The following BORCS5 variants were observed in gnomAD, a reference collection of about 807,000 sequenced individuals.
The protein encoded by BORCS5 is BLOC-1-related complex subunit 5.
BORCS5 carries 17 observed loss-of-function variants against 22.1 expected under a neutral mutation model. That is an observed-to-expected ratio of 0.77 (90% CI 0.53 to 1.15). The LOEUF is 1.15. Ranked by LOEUF, BORCS5 falls within the 50% of genes most tolerant of loss-of-function variation. The pLI is 0.00. For missense variants in BORCS5, 247 were observed against 253.2 expected (o/e 0.98, Z 0.17); for synonymous variants, 117 against 99.8 (o/e 1.17, Z -1.03).
intron 2 of BORCS5, among the ~76,000 whole-genome samples, chr12:12,363,190 G>A (rs1863330179): frequency 6.6e-6 from 1 of 151,902 alleles, no homozygotes; most frequent in Non-Finnish European, 1.5e-5. Context: ...CCAGCTAGTT[G>A]GGAAGCTGTT....
chr12:12,394,485 G>A (rs1941282252), intron 2 of BORCS5, among the ~76,000 whole-genome samples: 1 of 151,798 alleles, frequency 6.6e-6, no homozygotes, highest in Non-Finnish European at 1.5e-5. Flanking sequence ...TCAGGGAGTT[G>A]GAATTATTAA....
At chr12:12,406,418 G>T (rs775503927) in intron 2 of BORCS5, among the ~76,000 whole-genome samples, 2 of 152,118 alleles carry the variant, frequency 1.3e-5, no homozygotes, top group Non-Finnish European at 2.9e-5. Flanking sequence ...TGATCAGGGC[G>T]TCTTCTCCAG....
At chr12:12,433,841 C>T (rs113109351) in intron 2 of BORCS5, among the ~76,000 whole-genome samples, 56 of 152,264 alleles carry the variant, frequency 3.7e-4, no homozygotes, top group African/African-American at 1.2e-3. Flanking sequence ...GAGCATCGAC[C>T]AGCATTTCCC....
chr12:12,361,116 T>C (rs11054846), intron 1 of BORCS5, 90 bp from the exon 2 acceptor site: 150,063 of 1,287,740 alleles, frequency 0.12, 9,656 homozygotes, highest in East Asian at 0.17. Flanking sequence ...TTTTATAAAA[T>C]TATTCTTTTT....
chr12:12,415,678 T>G (rs1171820094), intron 2 of BORCS5, among the ~76,000 whole-genome samples: 1 of 151,870 alleles, frequency 6.6e-6, no homozygotes, highest in Non-Finnish European at 1.5e-5. Flanking sequence ...GGAATAAATC[T>G]CACTTGGTCA....
chr12:12,419,840 C>A (rs1254435427), intron 2 of BORCS5, among the ~76,000 whole-genome samples: 2 of 152,112 alleles, frequency 1.3e-5, no homozygotes, highest in Non-Finnish European at 2.9e-5. Flanking sequence ...GCTTAGATGT[C>A]TTCTTTTGAG....
At chr12:12,445,698 A>G (rs1033747748) in intron 3 of BORCS5, among the ~76,000 whole-genome samples, 2 of 151,516 alleles carry the variant, frequency 1.3e-5, no homozygotes, top group Admixed American at 1.3e-4. Context: ...CAGTGGCACA[A>G]TCATAGCTCA....
At chr12:12,448,647 G>A (rs1317516431) in intron 3 of BORCS5, among the ~76,000 whole-genome samples, 1 of 151,618 alleles carries the variant, frequency 6.6e-6, no homozygotes, top group Non-Finnish European at 1.5e-5. Context: ...TCCTGCCTCA[G>A]CCTCCCGAGT....
intron 2 of BORCS5, among the ~76,000 whole-genome samples, chr12:12,434,877 C>G (rs1225388454): frequency 6.6e-6 from 1 of 152,148 alleles, no homozygotes; most frequent in Non-Finnish European, 1.5e-5. Flanking sequence ...GTTGATTTGG[C>G]AGAAAGCAAT....
Position 12,458,246 on chromosome 12 carries a change from A to G in BORCS5, c.361-7300A>G, listed in dbSNP as rs75046907. On this transcript the variant is annotated intron_variant, in intron 3 of 3. Coordinates refer to ENST00000314565, the MANE Select transcript of BORCS5 (RefSeq NM_058169.6). The stretch of plus-strand genomic sequence containing the variant: ...AACACCTCCTTGGCTCCTTTGTCCC[A>G]AGAAGGTGAGATCCCACTTCCAGGT... 6.8e-3 allele frequency among the ~76,000 whole-genome samples: 1,035 copies of G among 152,280 alleles called. 14 individuals are homozygous for G. Among genetic ancestry groups the G allele is most frequent in the African/African-American group, 0.024 (993 of 41,548 alleles).
At position 12,465,876 on chromosome 12, in the gene BORCS5, G is replaced by A. The variant is rs573538163; in HGVS notation, c.*100G>A. 9 of 1,015,796 alleles carry A rather than the reference G, an allele frequency of 8.9e-6. No homozygotes were observed. Among genetic ancestry groups the A allele is most frequent in the Admixed American group, 5.4e-5 (2 of 36,752 alleles). The allele number at this position is 1,015,796 out of a possible 1,614,324, so 62.9% of individuals were successfully genotyped here. A position where few individuals can be genotyped will look rare whatever the true frequency, so the allele number is the denominator to read the frequency against. ...CATCTGACCAGGTCTGGAGGCTGGC[G>A]GGAGGCTCCCTGAAAGTGGGTGCGA... On this transcript the variant is annotated 3_prime_UTR_variant, in exon 4 of 4. Transcript: ENST00000314565.
intron 2 of BORCS5, among the ~76,000 whole-genome samples, chr12:12,426,948 C>G (rs1942300597): frequency 1.3e-5 from 2 of 152,158 alleles, no homozygotes; most frequent in African/African-American, 4.8e-5. Flanking sequence ...TTGTTCTGCA[C>G]TTGCAGTTTC....
chr12:12,365,420 T>C (rs1469765358), intron 2 of BORCS5, among the ~76,000 whole-genome samples: 2 of 151,364 alleles, frequency 1.3e-5, no homozygotes, highest in African/African-American at 4.9e-5. Context: ...ACTCCAGTGC[T>C]CCTCCCACCT....
chr12:12,419,054 AATT>A (rs1307622173), intron 2 of BORCS5, among the ~76,000 whole-genome samples: 1 of 151,646 alleles, frequency 6.6e-6, no homozygotes, highest in African/African-American at 2.4e-5. Flanking sequence ...CTTTTTTTAA[AATT>A]ATTATACTTT....
chr12:12,423,432 C>T (rs369048500), intron 2 of BORCS5, among the ~76,000 whole-genome samples: 3 of 147,578 alleles, frequency 2.0e-5, no homozygotes, highest in African/African-American at 7.5e-5. Flanking sequence ...TAAGAAACTC[C>T]CTCAGCTTTT....
At chr12:12,413,500 A>G (rs1053055671) in intron 2 of BORCS5, among the ~76,000 whole-genome samples, 3 of 150,276 alleles carry the variant, frequency 2.0e-5, no homozygotes, top group Non-Finnish European at 3.0e-5. Flanking sequence ...AGACCCGGCA[A>G]CCATCTGATT....
chr12:12,397,427 G>A (rs1484903408), intron 2 of BORCS5, among the ~76,000 whole-genome samples: 1 of 152,196 alleles, frequency 6.6e-6, no homozygotes, highest in Non-Finnish European at 1.5e-5. Flanking sequence ...TTTGTGCCCA[G>A]GAACAGCCTA....
intron 2 of BORCS5, among the ~76,000 whole-genome samples, chr12:12,400,714 G>A (rs1221853071): frequency 6.6e-6 from 1 of 151,658 alleles, no homozygotes; most frequent in East Asian, 1.9e-4. Flanking sequence ...AATAAACAAC[G>A]CCCCCTCCCC....
rs1306930575 is a variant in BORCS5, at chr12:12,467,685, G to C, written c.*1909G>C. 1 of 152,266 alleles carries C rather than the reference G, an allele frequency of 6.6e-6. No homozygotes were observed. The highest frequency in any genetic ancestry group is 2.4e-5 in the African/African-American group (1 of 41,472). 9.4% of individuals were successfully genotyped at this position (152,266 alleles called of 1,614,324 possible). A position where few individuals can be genotyped will look rare whatever the true frequency, so the allele number is the denominator to read the frequency against. ...TTGATGGCATGTTGTGGTTTCTGCAGTGTCGTGAACTTGGCTAAACTGAAC... is the reference window on the plus strand; with the variant it reads ...TTGATGGCATGTTGTGGTTTCTGCACTGTCGTGAACTTGGCTAAACTGAAC... On this transcript the variant is annotated 3_prime_UTR_variant, in exon 4 of 4. Transcript: ENST00000314565.
Sources: allele counts gnomAD v4.1 joint callset (sites outside exome capture counted in the v4.1 genomes callset), GRCh38; gene constraint gnomAD v4.1.1; transcripts MANE v1.5; gene names NCBI Gene and HGNC (gene_info 2026-07-23, HGNC 2026-07-21).